STXBP6: variants seen among roughly 807,000 people sequenced by gnomAD.
STXBP6 encodes syntaxin binding protein 6.
A neutral mutation model predicts 26.9 loss-of-function variants in STXBP6; 21 were observed. The ratio of observed to expected loss-of-function variants is 0.78; its 90% CI spans 0.55 to 1.12. The LOEUF (loss-of-function observed/expected upper bound fraction) is 1.12. Ranked by LOEUF, STXBP6 falls within the 50% of genes most tolerant of loss-of-function variation. The pLI, the probability that STXBP6 is intolerant of heterozygous loss-of-function variation, is 0.00. For synonymous variants in STXBP6, 97 were observed against 92.6 expected, an observed-to-expected ratio of 1.05 and a Z score of -0.27; for missense variants, 232 against 257.9, an observed-to-expected ratio of 0.90 and a Z score of 0.69.
chr14:24,852,590 C>T (rs1488732167), intron 4 of STXBP6, among the ~76,000 whole-genome samples: 1 of 151,680 alleles, frequency 6.6e-6, no homozygotes. Flanking sequence ...TGGACAAACA[C>T]AAAAAACAAA....
At chr14:25,030,219 C>T (rs1343841253) in intron 1 of STXBP6, among the ~76,000 whole-genome samples, 1 of 152,180 alleles carries the variant, frequency 6.6e-6, no homozygotes, top group African/African-American at 2.4e-5. Flanking sequence ...ACAAAGGTGA[C>T]TAGGCCTAGC....
intron 1 of STXBP6, among the ~76,000 whole-genome samples, chr14:25,044,165 T>C (rs1272994866): frequency 6.6e-5 from 6 of 91,146 alleles, no homozygotes; most frequent in African/African-American, 2.7e-4. Flanking sequence ...AATGAGACTC[T>C]GCCTCAAAAA....
At chr14:24,819,513 A>C in intron 4 of STXBP6, 1 of 515,078 alleles carries the variant, frequency 1.9e-6, no homozygotes. Context: ...CTGGATTTAC[A>C]ACTTGGCTTG....
At position 25,018,441 on chromosome 14, in the gene STXBP6, C is replaced by A. The variant is rs368763290; in HGVS notation, c.-33+31437G>T. Among the ~76,000 whole-genome samples, 3 of 152,312 alleles carry A rather than the reference C, an allele frequency of 2.0e-5. No homozygotes were observed. In the East Asian group the frequency reaches 5.8e-4, roughly 29 times the overall value. ...AATACCAGAGGTAGAAGCCAACCAT[C>A]TGAGAGGGGTAATATAATAAAATAT... On this transcript the variant is annotated intron_variant, in intron 1 of 5. Coordinates refer to ENST00000323944, the MANE Select transcript of STXBP6 (RefSeq NM_001394410.1).
intron 5 of STXBP6, chr14:24,817,139 T>A (rs1286909480): frequency 6.6e-6 from 1 of 152,196 alleles, no homozygotes; most frequent in Admixed American, 6.5e-5. Context: ...GACAGCGCTA[T>A]ATTCAAACAC....
chr14:24,902,752 C>G (rs943526624), intron 2 of STXBP6, among the ~76,000 whole-genome samples: 1 of 152,086 alleles, frequency 6.6e-6, no homozygotes, highest in Non-Finnish European at 1.5e-5. Flanking sequence ...AAATAAAACC[C>G]CATAATATCT....
At chr14:24,951,704 T>C (rs1041680455) in intron 2 of STXBP6, among the ~76,000 whole-genome samples, 2 of 152,156 alleles carry the variant, frequency 1.3e-5, no homozygotes, top group African/African-American at 4.8e-5. Context: ...AAATTTCTTA[T>C]GTGATGGAAA....
At chr14:24,900,465 T>C (rs1269379179) in intron 2 of STXBP6, among the ~76,000 whole-genome samples, 1 of 152,230 alleles carries the variant, frequency 6.6e-6, no homozygotes, top group Non-Finnish European at 1.5e-5. Context: ...CGTATGCTTA[T>C]TTTCTAATCT....
chr14:24,875,829 GA>G (rs1424048008), intron 2 of STXBP6, among the ~76,000 whole-genome samples: 2 of 152,144 alleles, frequency 1.3e-5, no homozygotes, highest in African/African-American at 4.8e-5. Context: ...GGCGGGAGGG[GA>G]AATGAGTTGA....
At chr14:25,022,567 C>T (rs996239933) in intron 1 of STXBP6, among the ~76,000 whole-genome samples, 12 of 152,134 alleles carry the variant, frequency 7.9e-5, no homozygotes, top group African/African-American at 2.2e-4. Flanking sequence ...AATTAAGGTG[C>T]TGCTACCAAA....
chr14:24,941,943 A>G (rs908692282), intron 2 of STXBP6, among the ~76,000 whole-genome samples: 2 of 152,250 alleles, frequency 1.3e-5, no homozygotes, highest in African/African-American at 2.4e-5. Context: ...ACAGGCTGCC[A>G]GGTGTGCATC....
At chr14:25,017,220 G>A (rs1453227243) in intron 1 of STXBP6, among the ~76,000 whole-genome samples, 2 of 152,140 alleles carry the variant, frequency 1.3e-5, no homozygotes, top group Non-Finnish European at 2.9e-5. Flanking sequence ...ACTCCTCTAC[G>A]GCCGCCCCTA....
intron 4 of STXBP6, among the ~76,000 whole-genome samples, chr14:24,844,732 G>A (rs757926771): frequency 1.1e-4 from 16 of 152,156 alleles, no homozygotes; most frequent in Admixed American, 1.3e-4. Flanking sequence ...TGCATTTCAG[G>A]TGCTCATGTT....
Position 24,843,386 on chromosome 14 carries a change from A to T in STXBP6, c.451+12550T>A, listed in dbSNP as rs920383224. Among the ~76,000 whole-genome samples, 8 of 152,184 alleles carry T rather than the reference A, an allele frequency of 5.3e-5. 2 individuals are homozygous for T. Among genetic ancestry groups the T allele is most frequent in the Admixed American group, 3.9e-4 (6 of 15,290 alleles). Reference sequence around the variant, plus strand: ...AAGCCATGTTTCTCTACTTCCATTAACTCCTGTGTCCAGGGAGAAATCAGG... The same window carrying T: ...AAGCCATGTTTCTCTACTTCCATTATCTCCTGTGTCCAGGGAGAAATCAGG... On this transcript the variant is annotated intron_variant, in intron 4 of 5. Transcript: ENST00000323944.
intron 1 of STXBP6, among the ~76,000 whole-genome samples, chr14:25,017,830 A>G (rs2075182650): frequency 6.6e-6 from 1 of 152,058 alleles, no homozygotes; most frequent in African/African-American, 2.4e-5. Flanking sequence ...GCAAGGTAGC[A>G]CAGTGGTTGC....
At chr14:24,914,481 A>T (rs980222399) in intron 2 of STXBP6, among the ~76,000 whole-genome samples, 1 of 152,180 alleles carries the variant, frequency 6.6e-6, no homozygotes, top group East Asian at 1.9e-4. Flanking sequence ...AAAATCTATA[A>T]ACTTGTGACA....
chr14:24,930,208 G>A (rs575976880), intron 2 of STXBP6, among the ~76,000 whole-genome samples: 34 of 151,832 alleles, frequency 2.2e-4, no homozygotes, highest in African/African-American at 6.8e-4. Flanking sequence ...GGACAATCAC[G>A]TGGGGATAAT....
intron 1 of STXBP6, among the ~76,000 whole-genome samples, chr14:24,983,123 A>G (rs1387143725): frequency 6.6e-6 from 1 of 152,246 alleles, no homozygotes; most frequent in Non-Finnish European, 1.5e-5. Context: ...AGGCTAGAAT[A>G]CACTCATTGG....
chr14:24,876,574 G>A (rs1011420982), intron 2 of STXBP6, among the ~76,000 whole-genome samples: 5 of 152,182 alleles, frequency 3.3e-5, no homozygotes, highest in African/African-American at 1.2e-4. Flanking sequence ...TGACATAGAA[G>A]CAGCAATGAT....
Sources: allele counts gnomAD v4.1 joint callset (sites outside exome capture counted in the v4.1 genomes callset), GRCh38; gene constraint gnomAD v4.1.1; transcripts MANE v1.5; gene names NCBI Gene and HGNC (gene_info 2026-07-23, HGNC 2026-07-21).